Variants in RASSF3 observed in about 807,000 individuals in gnomAD.
The protein encoded by RASSF3 is Ras association domain family member 3, also known as ras association domain-containing protein 3.
RASSF3 carries 19 observed loss-of-function variants against 19.9 expected under a neutral mutation model. The observed-to-expected ratio is 0.96, with a 90% CI of 0.67 to 1.40. RASSF3 has a LOEUF of 1.40. Among genes scored for constraint, RASSF3 ranks in the 40% most tolerant of loss-of-function variants. The probability of loss-of-function intolerance (pLI) is 0.00; values close to 1 mark genes in which losing one functional copy is unlikely to be tolerated. For missense variants in RASSF3, 306 were observed against 289.8 expected (o/e 1.06, Z -0.41); for synonymous variants, 110 against 104.2 (o/e 1.06, Z -0.34).
chr12:64,662,120 G>A (rs900624048), intron 1 of RASSF3, among the ~76,000 whole-genome samples: 1 of 151,972 alleles, frequency 6.6e-6, no homozygotes, highest in African/African-American at 2.4e-5. Context: ...TGTTGGGGAA[G>A]TAGGTAATAA....
At chr12:64,636,755 A>G (rs2136178196) in intron 1 of RASSF3, among the ~76,000 whole-genome samples, 1 of 151,884 alleles carries the variant, frequency 6.6e-6, no homozygotes, top group South Asian at 2.1e-4. Flanking sequence ...AATCCCAGCC[A>G]CTTGGGAGGG....
At chr12:64,584,686 C>T (rs780105772) in intron 2 of RASSF3, among the ~76,000 whole-genome samples, 26 of 151,836 alleles carry the variant, frequency 1.7e-4, no homozygotes, top group South Asian at 6.2e-4. Flanking sequence ...AAAGACATAA[C>T]GGTCACCCTT....
chr12:64,650,579 C>A (rs1296883317), intron 1 of RASSF3, among the ~76,000 whole-genome samples: 2 of 151,880 alleles, frequency 1.3e-5, no homozygotes, highest in African/African-American at 4.8e-5. Flanking sequence ...CCACACCCAG[C>A]TAATTTTTTG....
At chr12:64,519,817 T>C (rs1338061575) in intron 1 of RASSF3, among the ~76,000 whole-genome samples, 1 of 152,086 alleles carries the variant, frequency 6.6e-6, no homozygotes, top group Admixed American at 6.6e-5. Context: ...AGCGCATATA[T>C]GTGTGTGCGT....
At chr12:64,634,310 CT>C (rs201068575) in intron 1 of RASSF3, among the ~76,000 whole-genome samples, 20,921 of 142,966 alleles carry the variant, frequency 0.15, 1,512 homozygotes, top group Admixed American at 0.17. Context: ...TCATCTTGTC[CT>C]TTTTTTTTTT....
intron 1 of RASSF3, among the ~76,000 whole-genome samples, chr12:64,522,350 G>A (rs1868496674): frequency 6.6e-6 from 1 of 152,032 alleles, no homozygotes; most frequent in African/African-American, 2.4e-5. Context: ...GCTCCTGCTG[G>A]GGGGATGTGG....
At chr12:64,653,741 T>G (rs1410026194) in intron 1 of RASSF3, among the ~76,000 whole-genome samples, 1 of 152,116 alleles carries the variant, frequency 6.6e-6, no homozygotes, top group Non-Finnish European at 1.5e-5. Flanking sequence ...AGAGATGGAA[T>G]CTTACCGTGT....
At chr12:64,650,912 T>G (rs907753997) in intron 1 of RASSF3, among the ~76,000 whole-genome samples, 3 of 152,214 alleles carry the variant, frequency 2.0e-5, no homozygotes, top group Non-Finnish European at 4.4e-5. Context: ...TGCTATAAAC[T>G]TTATGACTTG....
intron 2 of RASSF3, among the ~76,000 whole-genome samples, chr12:64,563,168 T>C (rs1869375592): frequency 6.7e-6 from 1 of 148,202 alleles, no homozygotes; most frequent in Non-Finnish European, 1.5e-5. Flanking sequence ...TTTATTTTTA[T>C]TTTTATTTTT....
chr12:64,510,712 A>T (rs932946606), intron 1 of RASSF3, among the ~76,000 whole-genome samples: 3 of 152,232 alleles, frequency 2.0e-5, no homozygotes, highest in African/African-American at 4.8e-5. Flanking sequence ...GTAAATCTGA[A>T]TTCAGTACAT....
In RASSF3 at chr12:64,696,212, A is replaced by G. The variant is rs1868362475; in HGVS notation, c.*1300A>G. On this transcript the variant is annotated 3_prime_UTR_variant, in exon 5 of 5. Coordinates refer to ENST00000542104, the MANE Select transcript of RASSF3 (RefSeq NM_178169.4). ...AACAGGGCTATTGAATAAAGACCCA[A>G]TCCTACCAGATCTTTAGTTCTAAAG... 1 of 151,464 alleles carries G rather than the reference A, an allele frequency of 6.6e-6. No homozygotes were observed. The highest frequency in any genetic ancestry group is 1.5e-5 in the Non-Finnish European group (1 of 67,934). The allele number at this position is 151,464 out of a possible 1,614,324, so 9.4% of individuals were successfully genotyped here.
chr12:64,551,672 T>G (rs1419107061), intron 2 of RASSF3, among the ~76,000 whole-genome samples: 1 of 152,222 alleles, frequency 6.6e-6, no homozygotes, highest in Non-Finnish European at 1.5e-5. Context: ...CTTAGCCTGG[T>G]GTTTGGTGGG....
intron 1 of RASSF3, among the ~76,000 whole-genome samples, chr12:64,614,500 T>C (rs1870485787): frequency 6.6e-6 from 1 of 152,048 alleles, no homozygotes; most frequent in Non-Finnish European, 1.5e-5. Context: ...ATTAACTTAA[T>C]GAAAGGGGGA....
chr12:64,646,527 T>C (rs926594474), intron 1 of RASSF3, among the ~76,000 whole-genome samples: 1 of 152,224 alleles, frequency 6.6e-6, no homozygotes, highest in African/African-American at 2.4e-5. Context: ...CAGCATCTTA[T>C]TCAGATGTAG....
intron 1 of RASSF3, among the ~76,000 whole-genome samples, chr12:64,676,596 C>A (rs939877570): frequency 6.6e-6 from 1 of 150,406 alleles, no homozygotes; most frequent in African/African-American, 2.4e-5. Flanking sequence ...CTCAGACTCA[C>A]AAGTAGCTAG....
intron 2 of RASSF3, among the ~76,000 whole-genome samples, chr12:64,565,726 A>C (rs1356535812): frequency 1.3e-5 from 2 of 151,428 alleles, no homozygotes; most frequent in African/African-American, 4.9e-5. Flanking sequence ...AAAAACAAAC[A>C]AAAACAATTA....
intron 4 of RASSF3, among the ~76,000 whole-genome samples, chr12:64,694,390 A>G (rs1334372810): frequency 3.3e-5 from 5 of 152,222 alleles, no homozygotes; most frequent in African/African-American, 4.8e-5. Context: ...GCGAGGTAAG[A>G]AAGTCAGTTA....
At chr12:64,621,768 G>A (rs1040806637) in intron 1 of RASSF3, among the ~76,000 whole-genome samples, 3 of 152,164 alleles carry the variant, frequency 2.0e-5, no homozygotes, top group African/African-American at 4.8e-5. Flanking sequence ...CACCGTGCCC[G>A]GCCCAGGCAT....
intron 2 of RASSF3, among the ~76,000 whole-genome samples, chr12:64,562,958 C>A (rs1472400332): frequency 3.9e-5 from 6 of 152,036 alleles, no homozygotes; most frequent in Non-Finnish European, 8.8e-5. Context: ...CACCCCAAAT[C>A]CAATCCATGA....
Sources: allele counts gnomAD v4.1 joint callset (sites outside exome capture counted in the v4.1 genomes callset), GRCh38; gene constraint gnomAD v4.1.1; transcripts MANE v1.5; gene names NCBI Gene and HGNC (gene_info 2026-07-23, HGNC 2026-07-21).